EML4: variants seen among roughly 807,000 people sequenced by gnomAD.
EML4 encodes the protein echinoderm microtubule-associated protein-like 4.
In EML4, 72 loss-of-function variants were observed where a neutral mutation model predicts 129.0. That is an observed-to-expected ratio of 0.56 (90% confidence interval 0.46 to 0.68). The LOEUF (loss-of-function observed/expected upper bound fraction) is 0.68. EML4 is among the 30% of genes least tolerant of loss of function. The pLI is 0.00. For synonymous variants in EML4, 532 were observed against 405.0 expected, an observed-to-expected ratio of 1.31 and a Z score of -3.77; for missense variants, 1,363 against 1,190.6, an observed-to-expected ratio of 1.14 and a Z score of -2.13.
intron 1 of EML4, among the ~76,000 whole-genome samples, chr2:42,236,336 AG>A (rs1220406204): frequency 5.3e-5 from 8 of 152,320 alleles, no homozygotes; most frequent in African/African-American, 1.9e-4. Flanking sequence ...ATAGATATTT[AG>A]GTTGTTTCCA....
chr2:42,236,610 TA>T (rs1674689313), intron 1 of EML4, among the ~76,000 whole-genome samples: 1 of 152,224 alleles, frequency 6.6e-6, no homozygotes, highest in East Asian at 1.9e-4. Context: ...AAGCCTAAAA[TA>T]TTTAACTATT....
At chr2:42,314,609 C>G (rs993834337) in intron 17 of EML4, among the ~76,000 whole-genome samples, 2 of 152,168 alleles carry the variant, frequency 1.3e-5, no homozygotes, top group African/African-American at 4.8e-5. Context: ...TATTAAATAC[C>G]TCTTGCCAAA....
intron 3 of EML4, among the ~76,000 whole-genome samples, chr2:42,258,044 A>G (rs1253894634): frequency 1.3e-5 from 2 of 152,080 alleles, no homozygotes; most frequent in African/African-American, 4.8e-5. Context: ...GATTCAGCCC[A>G]TTTTCTTACA....
At chr2:42,273,424 C>T (rs1216537055) in intron 6 of EML4, among the ~76,000 whole-genome samples, 1 of 152,108 alleles carries the variant, frequency 6.6e-6, no homozygotes, top group African/African-American at 2.4e-5. Context: ...GTAAACAAAA[C>T]ATCAAGAGAA....
chr2:42,184,369 T>C (rs1166229300), intron 1 of EML4, among the ~76,000 whole-genome samples: 7 of 147,310 alleles, frequency 4.8e-5, no homozygotes, highest in Admixed American at 2.0e-4. Flanking sequence ...TATCTCCTAA[T>C]GCTATCCCTC....
At chr2:42,184,683 C>G (rs1377067643) in intron 1 of EML4, among the ~76,000 whole-genome samples, 1 of 152,152 alleles carries the variant, frequency 6.6e-6, no homozygotes, top group Non-Finnish European at 1.5e-5. Flanking sequence ...TAGTTTAAGT[C>G]CATCTCTTCT....
In EML4 at chr2:42,301,379, A is replaced by G; in HGVS notation, c.1628A>G (p.Glu543Gly). ...IILWDHDLNP[E>G]REIEVPDQYG... ...CTGTGGGATCATGATCTGAATCCTG[A>G]AAGAGAAATAGAGGTAAGGATGGAA... The change falls in exon 14 of 23, where the codon GAA (glutamate) becomes GGA (glycine). Residue 543 changes from glutamate to glycine, a missense_variant. Physicochemically the swap from Glu to Gly is moderately conservative, Grantham distance 98. Coordinates refer to ENST00000318522, the MANE Select transcript of EML4 (RefSeq NM_019063.5). The G allele has an allele frequency of 6.2e-7, 1 of 1,611,722 alleles. No homozygotes were observed.
chr2:42,211,620 G>C (rs921658188), intron 1 of EML4, among the ~76,000 whole-genome samples: 1 of 152,140 alleles, frequency 6.6e-6, no homozygotes, highest in East Asian at 1.9e-4. Context: ...ATAAAATGTC[G>C]TTAGAGAGGT....
chr2:42,309,354 G>A (rs955164784), intron 17 of EML4, among the ~76,000 whole-genome samples: 2 of 150,964 alleles, frequency 1.3e-5, no homozygotes, highest in African/African-American at 2.4e-5. Flanking sequence ...GGCTATCATA[G>A]TGAGCTATGA....
chr2:42,324,467 T>C (rs1669683704), intron 19 of EML4, among the ~76,000 whole-genome samples: 1 of 151,854 alleles, frequency 6.6e-6, no homozygotes, highest in African/African-American at 2.4e-5. Context: ...AATACAAAAA[T>C]TAGCTGGGAG....
At chr2:42,190,202 A>G (rs905070591) in intron 1 of EML4, among the ~76,000 whole-genome samples, 5 of 152,204 alleles carry the variant, frequency 3.3e-5, no homozygotes, top group Admixed American at 1.3e-4. Flanking sequence ...TGTGTTATCT[A>G]TATTCTCTTT....
rs116343573 is a variant in EML4, at chr2:42,300,412, A to C, written c.1490-829A>C. The stretch of plus-strand genomic sequence containing the variant: ...GGCAAAATATAATTTAAAAAACCAC[A>C]TGTGTTTGCCTAAAAGACCTTTTAT... On this transcript the variant is annotated intron_variant, in intron 13 of 22. Coordinates refer to ENST00000318522, the MANE Select transcript of EML4 (RefSeq NM_019063.5). Among the ~76,000 whole-genome samples the C allele has an allele frequency of 5.3e-5, 8 of 152,206 alleles. No homozygotes were observed. The East Asian group carries it at 9.6e-4, about 18-fold the overall frequency.
At chr2:42,246,506 C>G (rs1330975597) in intron 2 of EML4, among the ~76,000 whole-genome samples, 1 of 152,136 alleles carries the variant, frequency 6.6e-6, no homozygotes, top group African/African-American at 2.4e-5. Context: ...CAAATTCTAG[C>G]TGAGTAGGAG....
At chr2:42,230,963 C>A (rs531100123) in intron 1 of EML4, among the ~76,000 whole-genome samples, 1 of 152,302 alleles carries the variant, frequency 6.6e-6, no homozygotes, top group Admixed American at 6.5e-5. Flanking sequence ...TTCCCTCAAC[C>A]CTGTAAATCT....
chr2:42,274,319 C>T (rs1041628371), intron 6 of EML4, among the ~76,000 whole-genome samples: 1 of 152,136 alleles, frequency 6.6e-6, no homozygotes, highest in Admixed American at 6.5e-5. Flanking sequence ...GAGAAAGATG[C>T]TTTAAGTTGT....
chr2:42,264,440 T>C (rs975958070), intron 5 of EML4, among the ~76,000 whole-genome samples: 1 of 152,212 alleles, frequency 6.6e-6, no homozygotes, highest in Non-Finnish European at 1.5e-5. Context: ...TTAATAATCA[T>C]ATAAGATTTG....
chr2:42,208,660 C>G lies in EML4; in HGVS notation c.26-36845C>G, dbSNP rs935683555. Among the ~76,000 whole-genome samples the G allele has an allele frequency of 7.9e-5, 12 of 152,076 alleles. No individual in the cohort carries two copies. In the East Asian group the frequency reaches 1.7e-3, roughly 22 times the overall value. On this transcript the variant is annotated intron_variant, in intron 1 of 22. Coordinates refer to ENST00000318522, the MANE Select transcript of EML4 (RefSeq NM_019063.5). ...ATCTTGGCCAGGCTGGTCTTGAACT[C>G]CTGACCTCATGATCCACCCTCCTTG...
intron 1 of EML4, among the ~76,000 whole-genome samples, chr2:42,171,424 G>A (rs1670272795): frequency 6.6e-6 from 1 of 152,168 alleles, no homozygotes; most frequent in African/African-American, 2.4e-5. Flanking sequence ...TTTAGGAGGA[G>A]TCTTTCTCAC....
At chr2:42,199,498 T>C (rs925631498) in intron 1 of EML4, among the ~76,000 whole-genome samples, 1 of 152,294 alleles carries the variant, frequency 6.6e-6, no homozygotes. Flanking sequence ...ACTTTTGGAG[T>C]AATCATATGT....
Sources: allele counts gnomAD v4.1 joint callset (sites outside exome capture counted in the v4.1 genomes callset), GRCh38; gene constraint gnomAD v4.1.1; transcripts MANE v1.5; gene names NCBI Gene and HGNC (gene_info 2026-07-23, HGNC 2026-07-21).